MSI2: variants seen among roughly 807,000 people sequenced by gnomAD.
MSI2 encodes musashi RNA binding protein 2, also known as RNA-binding protein Musashi homolog 2.
MSI2 carries 17 observed loss-of-function variants against 45.6 expected under a neutral mutation model. The observed-to-expected ratio is 0.37, with a 90% CI of 0.26 to 0.56. MSI2 has a LOEUF of 0.56. Among genes scored for constraint, MSI2 ranks in the 20% least tolerant of loss-of-function variants. MSI2 has a pLI of 0.77. For missense variants in MSI2, 293 were observed against 444.2 expected (o/e 0.66, Z 3.06); for synonymous variants, 156 against 158.2 (o/e 0.99, Z 0.11).
At chr17:57,322,134 A>C (rs1172862057) in intron 5 of MSI2, among the ~76,000 whole-genome samples, 1 of 152,212 alleles carries the variant, frequency 6.6e-6, no homozygotes, top group African/African-American at 2.4e-5. Context: ...GGGTAGGGGC[A>C]GGGTGTGTCA....
intron 6 of MSI2, among the ~76,000 whole-genome samples, chr17:57,436,064 A>G (rs911552540): frequency 6.6e-6 from 1 of 152,208 alleles, no homozygotes; most frequent in Non-Finnish European, 1.5e-5. Context: ...TGAAAAATCT[A>G]TAACTGAGTG....
chr17:57,472,902 T>C (rs2085466698), intron 6 of MSI2, among the ~76,000 whole-genome samples: 1 of 152,014 alleles, frequency 6.6e-6, no homozygotes, highest in Admixed American at 6.5e-5. Flanking sequence ...TCTTTCTTTT[T>C]TTTTTTTTGG....
At chr17:57,484,250 T>A (rs1247925167) in intron 6 of MSI2, among the ~76,000 whole-genome samples, 1 of 152,092 alleles carries the variant, frequency 6.6e-6, no homozygotes, top group Non-Finnish European at 1.5e-5. Flanking sequence ...CTTCATTCCC[T>A]GCATCTTCTC....
Position 57,519,629 on chromosome 17 carries a change from C to T in MSI2, c.406-10047C>T, listed in dbSNP as rs187316171. Among the ~76,000 whole-genome samples, 746 of 152,252 alleles carry T rather than the reference C, an allele frequency of 4.9e-3. 8 individuals are homozygous for T. The highest frequency in any genetic ancestry group is 0.017 in the African/African-American group (718 of 41,540). On this transcript the variant is annotated intron_variant, in intron 6 of 13. Transcript: ENST00000284073. ...ATCATTCCTCCTCTCCCGAGCCTAC[C>T]GGGGCAATATACCTCCATTTCCTTG... is the stretch of plus-strand genomic sequence containing the variant.
At chr17:57,259,260 T>G (rs1907096909) in intron 4 of MSI2, among the ~76,000 whole-genome samples, 1 of 152,304 alleles carries the variant, frequency 6.6e-6, no homozygotes, top group East Asian at 1.9e-4. Context: ...TGGGCTGTAG[T>G]GCTGGGTTGC....
intron 5 of MSI2, among the ~76,000 whole-genome samples, chr17:57,328,609 T>C (rs1486852570): frequency 6.6e-6 from 1 of 152,230 alleles, no homozygotes; most frequent in African/African-American, 2.4e-5. Flanking sequence ...AACAGCAACA[T>C]TTTCAATGGC....
chr17:57,527,652 A>G (rs1218297861), intron 6 of MSI2, among the ~76,000 whole-genome samples: 1 of 152,232 alleles, frequency 6.6e-6, no homozygotes, highest in Non-Finnish European at 1.5e-5. Flanking sequence ...TGGGGAGCAG[A>G]AGGGGAAGGC....
intron 8 of MSI2, among the ~76,000 whole-genome samples, chr17:57,615,406 C>T (rs942500027): frequency 6.6e-6 from 1 of 152,170 alleles, no homozygotes; most frequent in African/African-American, 2.4e-5. Flanking sequence ...GCTGGGATTA[C>T]AAACATGATC....
intron 5 of MSI2, chr17:57,267,701 G>A (rs889472232): frequency 6.6e-6 from 1 of 151,842 alleles, no homozygotes; most frequent in African/African-American, 2.4e-5. Context: ...GTTAATCCTT[G>A]TTCATTGCCA....
chr17:57,652,040 C>T lies in MSI2; in HGVS notation c.728-59C>T. ...GGGTTGTGTGGCCCGTGACCTAGGT[C>T]TGTGCCTGGCCCTTTCAAGGATTCC... On this transcript the variant is annotated intron_variant, in intron 10 of 13. Transcript: ENST00000284073. This position sits in a 1 kb window ranked among gnomAD's most constrained non-coding sequence, Gnocchi z 4.1. 3 of 1,538,780 alleles carry T rather than the reference C, an allele frequency of 1.9e-6. No individual in the cohort carries two copies. Among genetic ancestry groups the T allele is most frequent in the Non-Finnish European group, 2.7e-6 (3 of 1,111,754 alleles).
At chr17:57,521,071 G>C (rs2086573870) in intron 6 of MSI2, among the ~76,000 whole-genome samples, 1 of 152,120 alleles carries the variant, frequency 6.6e-6, no homozygotes, top group Non-Finnish European at 1.5e-5. Flanking sequence ...AGCATTTTTT[G>C]ACATTTGGAA....
intron 7 of MSI2, among the ~76,000 whole-genome samples, chr17:57,572,516 G>A (rs192347379): frequency 1.1e-4 from 16 of 152,356 alleles, no homozygotes; most frequent in East Asian, 3.9e-4. Context: ...AATCTGTCCT[G>A]AATTCAAGAT....
At position 57,280,480 on chromosome 17, in the gene MSI2, T is replaced by C. The variant is rs1234768600; in HGVS notation, c.312+18288T>C. Among the ~76,000 whole-genome samples the C allele has an allele frequency of 6.6e-6, 1 of 152,098 alleles. No homozygotes were observed. Among genetic ancestry groups the C allele is most frequent in the Non-Finnish European group, 1.5e-5 (1 of 68,010 alleles). On this transcript the variant is annotated intron_variant, in intron 5 of 13. Transcript: ENST00000284073. This position sits in a 1 kb window ranked among gnomAD's most constrained non-coding sequence, Gnocchi z 4.2. ...TGCATCTGAGAATTGGAGCAGCAGC[T>C]TGGTGGTTTGGTTAGTTGAGGAGTA...
At chr17:57,527,790 T>C (rs1204506646) in intron 6 of MSI2, among the ~76,000 whole-genome samples, 1 of 152,196 alleles carries the variant, frequency 6.6e-6, no homozygotes, top group African/African-American at 2.4e-5. Context: ...CATCTTCCAT[T>C]CTTACCTTGA....
At chr17:57,260,276 T>G (rs894395238) in intron 4 of MSI2, among the ~76,000 whole-genome samples, 2 of 152,230 alleles carry the variant, frequency 1.3e-5, no homozygotes, top group African/African-American at 4.8e-5. Context: ...GTGTAAACTT[T>G]GCACACTGAG....
rs35606406 is a variant in MSI2 at position 57,597,466 on chromosome 17, T to TAA, written c.537+539_537+540dup. 5.1e-4 allele frequency among the ~76,000 whole-genome samples: 44 copies of TAA among 87,108 alleles called. 1 individual carries two copies. The highest frequency in any genetic ancestry group is 1.9e-3 in the African/African-American group (37 of 19,742). 57.1% of individuals were successfully genotyped at this position (87,108 alleles called of 152,430 possible). A position where few individuals can be genotyped will look rare whatever the true frequency, so the allele number is the denominator to read the frequency against. ...GGAAACATAGCCAGACCTCATCTCT[T>TAA]AAAAAAAAAAAAAAAAAAAAAAAAT... On this transcript the variant is annotated intron_variant, in intron 8 of 13. Coordinates refer to ENST00000284073, the MANE Select transcript of MSI2 (RefSeq NM_138962.4).
chr17:57,549,903 T>C (rs888177439), intron 7 of MSI2, among the ~76,000 whole-genome samples: 4 of 152,128 alleles, frequency 2.6e-5, no homozygotes, highest in African/African-American at 4.8e-5. Context: ...TTGGAGATGG[T>C]CCCTTTTTGG....
intron 7 of MSI2, among the ~76,000 whole-genome samples, chr17:57,545,104 G>A (rs1241498982): frequency 6.6e-6 from 1 of 152,148 alleles, no homozygotes; most frequent in Non-Finnish European, 1.5e-5. Flanking sequence ...ACTGAGTTTA[G>A]AGAAAGGAAA....
At chr17:57,632,976 A>G (rs1252002851) in intron 10 of MSI2, 1 of 1,051,106 alleles carries the variant, frequency 9.5e-7, no homozygotes, top group Non-Finnish European at 1.1e-6. Context: ...ACAAATCTGT[A>G]TGGCTTTTCC....
Sources: allele counts gnomAD v4.1 joint callset (sites outside exome capture counted in the v4.1 genomes callset), GRCh38; gene constraint gnomAD v4.1.1; non-coding constraint Gnocchi (gnomAD v3.1); transcripts MANE v1.5; gene names NCBI Gene and HGNC (gene_info 2026-07-23, HGNC 2026-07-21).